TASP1: variants seen among roughly 807,000 people sequenced by gnomAD.
TASP1 encodes the protein threonine aspartase 1.
A neutral mutation model predicts 56.6 loss-of-function variants in TASP1; 16 were observed. That is an observed-to-expected ratio of 0.28 (90% confidence interval 0.19 to 0.43). The LOEUF (loss-of-function observed/expected upper bound fraction) is 0.43, where lower values mean the gene tolerates loss of function less well. TASP1 is among the 20% of genes least tolerant of loss of function. The pLI, the probability that TASP1 is intolerant of heterozygous loss-of-function variation, is 1.00. For synonymous variants in TASP1, 179 were observed against 184.2 expected (o/e 0.97, Z 0.23); for missense variants, 393 against 511.6 (o/e 0.77, Z 2.24).
chr20:13,635,186 G>A lies in TASP1; in HGVS notation c.-75+3708C>T, dbSNP rs563073647. Among the ~76,000 whole-genome samples, 1,005 of 151,114 alleles carry A rather than the reference G, an allele frequency of 6.7e-3. 7 individuals carry two copies. Among genetic ancestry groups the A allele is most frequent in the Non-Finnish European group, 0.01 (710 of 67,754 alleles). On this transcript the variant is annotated intron_variant, in intron 1 of 13. Coordinates refer to ENST00000337743, the MANE Select transcript of TASP1 (RefSeq NM_017714.3). ...GTAAACTGATCTTATTAAGCTGTTCGAAAAAAAAGAAAAAAAAGTCTTGCT... is the reference window on the plus strand; with the variant it reads ...GTAAACTGATCTTATTAAGCTGTTCAAAAAAAAAGAAAAAAAAGTCTTGCT...
chr20:13,283,126 C>T, the TASP1 span, among the ~76,000 whole-genome samples: 1 of 152,106 alleles, frequency 6.6e-6, no homozygotes, highest in African/African-American at 2.4e-5. Flanking sequence ...CTGAAGCCTC[C>T]AACTCCTGGG....
At chr20:13,216,511 C>T in the TASP1 span, among the ~76,000 whole-genome samples, 3 of 152,146 alleles carry the variant, frequency 2.0e-5, no homozygotes, top group Admixed American at 1.3e-4. Flanking sequence ...TGGTTTCCCA[C>T]TGCAACACCA....
At chr20:13,409,863 A>T (rs1384633182) in intron 13 of TASP1, among the ~76,000 whole-genome samples, 1 of 152,170 alleles carries the variant, frequency 6.6e-6, no homozygotes, top group Non-Finnish European at 1.5e-5. Context: ...TAGCTACTGG[A>T]AATATATAAT....
chr20:13,281,536 C>G, the TASP1 span, among the ~76,000 whole-genome samples: 1 of 152,276 alleles, frequency 6.6e-6, no homozygotes, highest in East Asian at 1.9e-4. Context: ...AAAACTAAAG[C>G]CTGGAAAACT....
the TASP1 span, among the ~76,000 whole-genome samples, chr20:13,297,533 C>A: frequency 1.2e-4 from 18 of 152,202 alleles, no homozygotes; most frequent in Non-Finnish European, 2.1e-4. Flanking sequence ...CTGAGACTCA[C>A]TAAACCTGAA....
At chr20:13,384,754 C>G (rs2041152065), downstream of TASP1, among the ~76,000 whole-genome samples, 1 of 152,190 alleles carries the variant, frequency 6.6e-6, no homozygotes, top group Admixed American at 6.5e-5. Flanking sequence ...TAATCGGCTT[C>G]TGGGAAAGGT....
the TASP1 span, chr20:13,110,081 A>G: frequency 9.7e-6 from 15 of 1,550,818 alleles, no homozygotes; most frequent in Non-Finnish European, 1.2e-5. Flanking sequence ...CCCTTTCATG[A>G]CTCAATTTTT....
the TASP1 span, among the ~76,000 whole-genome samples, chr20:13,214,548 CACACACACACACACAG>C: frequency 0.056 from 7,615 of 134,998 alleles, 251 homozygotes; most frequent in Middle Eastern, 0.13. Context: ...CACACACACA[CACACACACACACACAG>C]AGAGAGAGAG....
At chr20:13,572,705 A>G (rs965802876) in intron 6 of TASP1, among the ~76,000 whole-genome samples, 1 of 150,426 alleles carries the variant, frequency 6.6e-6, no homozygotes, top group African/African-American at 2.4e-5. Flanking sequence ...AAAAAAAAAA[A>G]CTCTCAAGAA....
chr20:13,242,981 G>A, the TASP1 span, among the ~76,000 whole-genome samples: 2 of 152,110 alleles, frequency 1.3e-5, no homozygotes, highest in African/African-American at 4.8e-5. Flanking sequence ...AGGCATTATT[G>A]TTATCCTCAT....
intron 10 of TASP1, among the ~76,000 whole-genome samples, chr20:13,509,550 T>C (rs2044252673): frequency 6.6e-6 from 1 of 152,212 alleles, no homozygotes; most frequent in South Asian, 2.1e-4. Flanking sequence ...AGTTTGATTG[T>C]GGCAATCATC....
the TASP1 span, among the ~76,000 whole-genome samples, chr20:13,254,443 G>C: frequency 6.6e-6 from 1 of 151,598 alleles, no homozygotes; most frequent in Admixed American, 6.6e-5. Flanking sequence ...TTGAATTCAA[G>C]AGAGCAAAAT....
chr20:13,167,009 C>G, the TASP1 span: 1 of 152,124 alleles, frequency 6.6e-6, no homozygotes, highest in Non-Finnish European at 1.5e-5. Flanking sequence ...AACAAAAGGA[C>G]CTGTTTCTGT....
chr20:13,184,484 A>G, the TASP1 span, among the ~76,000 whole-genome samples: 1 of 152,230 alleles, frequency 6.6e-6, no homozygotes, highest in East Asian at 1.9e-4. Flanking sequence ...ATTGCACTTC[A>G]GGTTTTTATA....
intron 1 of TASP1, among the ~76,000 whole-genome samples, chr20:13,635,926 G>A (rs915963437): frequency 6.6e-6 from 1 of 152,026 alleles, no homozygotes; most frequent in Non-Finnish European, 1.5e-5. Context: ...CCTACTGTAT[G>A]TGATGACACT....
chr20:13,635,387 C>CT (rs34767488), intron 1 of TASP1, among the ~76,000 whole-genome samples: 40,240 of 129,258 alleles, frequency 0.31, 7,963 homozygotes, highest in African/African-American at 0.55. Context: ...TCAGCAATTT[C>CT]TTTTTTTTTT....
At chr20:13,203,241 G>A in the TASP1 span, among the ~76,000 whole-genome samples, 1 of 152,286 alleles carries the variant, frequency 6.6e-6, no homozygotes, top group South Asian at 2.1e-4. Flanking sequence ...GCATGCAACA[G>A]CTTTATAAGG....
chr20:13,361,646 G>A, the TASP1 span, among the ~76,000 whole-genome samples: 1,274 of 137,592 alleles, frequency 9.3e-3, 15 homozygotes, highest in African/African-American at 0.037. Flanking sequence ...AGACCAACTT[G>A]GACTGTGCCC....
At chr20:13,127,218 G>A in the TASP1 span, among the ~76,000 whole-genome samples, 2 of 152,198 alleles carry the variant, frequency 1.3e-5, no homozygotes, top group Non-Finnish European at 2.9e-5. Context: ...TGGGACCAGA[G>A]CTAAACTGTG....
Sources: allele counts gnomAD v4.1 joint callset (sites outside exome capture counted in the v4.1 genomes callset), GRCh38; gene constraint gnomAD v4.1.1; transcripts MANE v1.5; gene names NCBI Gene and HGNC (gene_info 2026-07-23, HGNC 2026-07-21).